Variants in CDC42BPG observed in about 807,000 individuals in gnomAD.
CDC42BPG encodes CDC42 binding protein kinase gamma, also known as serine/threonine-protein kinase MRCK gamma.
In CDC42BPG, 157 loss-of-function variants were observed where a neutral mutation model predicts 192.2. The observed-to-expected ratio is 0.82, with a 90% CI of 0.72 to 0.93. The LOEUF (loss-of-function observed/expected upper bound fraction) is 0.93. CDC42BPG is among the 40% of genes least tolerant of loss of function. The pLI, the probability that CDC42BPG is intolerant of heterozygous loss-of-function variation, is 0.00. For missense variants in CDC42BPG, 1,992 were observed against 2,122.1 expected, an observed-to-expected ratio of 0.94 and a Z score of 1.20; for synonymous variants, 981 against 918.5, an observed-to-expected ratio of 1.07 and a Z score of -1.23.
chr11:64,842,457 A>G (rs1400557484), intron 1 of CDC42BPG, among the ~76,000 whole-genome samples: 1 of 152,084 alleles, frequency 6.6e-6, no homozygotes, highest in East Asian at 1.9e-4. Context: ...GGCAGGGAGG[A>G]CAGGCTCTAT....
At chr11:64,828,643 G>A (rs981392080) in intron 30 of CDC42BPG, among the ~76,000 whole-genome samples, 6 of 152,182 alleles carry the variant, frequency 3.9e-5, no homozygotes, top group African/African-American at 1.4e-4. Context: ...GGCCGGGGCC[G>A]GTGGCTCACA....
At position 64,827,039 on chromosome 11, in the gene CDC42BPG, A is replaced by G; in HGVS notation, c.4389+11T>C. Reference sequence around the variant, plus strand: ...ACCAAAGTGGCTTGTGATTGGCTCCAGAGGACTAACCGGGGACTTGTCCCT... The same window carrying G: ...ACCAAAGTGGCTTGTGATTGGCTCCGGAGGACTAACCGGGGACTTGTCCCT... On this transcript the variant is annotated intron_variant, in intron 34 of 36. Coordinates refer to ENST00000342711, the MANE Select transcript of CDC42BPG (RefSeq NM_017525.3). The G allele has an allele frequency of 6.4e-7, 1 of 1,570,556 alleles. No individual in the cohort carries two copies. The highest frequency in any genetic ancestry group is 8.7e-7 in the Non-Finnish European group (1 of 1,144,480).
At chr11:64,838,609 A>AG (rs1205859864) in intron 8 of CDC42BPG, 45 bp downstream of exon 8, 3 of 1,601,444 alleles carry the variant, frequency 1.9e-6, no homozygotes, top group Non-Finnish European at 2.6e-6. Context: ...CCAGCCAACA[A>AG]GGGGGTAGGG....
rs949576014 is a variant in CDC42BPG at position 64,828,091 on chromosome 11, C to T, written c.3968-308G>A. Among the ~76,000 whole-genome samples, 12 of 152,200 alleles carry T rather than the reference C, an allele frequency of 7.9e-5. No homozygotes were observed. The East Asian group carries it at 2.1e-3, about 27-fold the overall frequency. ...GGAACCCCTGGAGCCATGTGATGGT[C>T]AAGGTCAGGTCACTCAGCTGGTCCT... On this transcript the variant is annotated intron_variant, in intron 30 of 36. Transcript: ENST00000342711.
intron 27 of CDC42BPG, 57 bp from the exon 28 acceptor site, chr11:64,831,778 C>T: frequency 6.8e-7 from 1 of 1,468,280 alleles, no homozygotes; most frequent in African/African-American, 1.4e-5. Context: ...GTCCTCCCTC[C>T]CTTCCTGCCT....
intron 1 of CDC42BPG, among the ~76,000 whole-genome samples, chr11:64,842,978 C>T (rs1592729361): frequency 1.3e-5 from 2 of 152,282 alleles, no homozygotes; most frequent in Admixed American, 1.3e-4. Flanking sequence ...AATTCATTGT[C>T]TCTTTCCCAG....
chr11:64,834,588 C>A lies in CDC42BPG; in HGVS notation c.2176-11G>T. ...CTTCCACTGGTGGTCCTGGTGGCCACGGAGCACCCGTATAAGATGCTTTCT... is the reference window on the plus strand; with the variant it reads ...CTTCCACTGGTGGTCCTGGTGGCCAAGGAGCACCCGTATAAGATGCTTTCT... On this transcript the variant is annotated splice_polypyrimidine_tract_variant and intron_variant, in intron 18 of 36. Transcript: ENST00000342711. The A allele has an allele frequency of 6.5e-7, 1 of 1,544,744 alleles. No homozygotes were observed. Among genetic ancestry groups the A allele is most frequent in the South Asian group, 1.2e-5 (1 of 82,318 alleles).
rs1396825216 is a variant in CDC42BPG at position 64,827,899 on chromosome 11, G to A, written c.3968-116C>T. 4.7e-6 allele frequency: 4 copies of A among 850,016 alleles called. No homozygotes were observed. The East Asian group carries it at 1.1e-4, about 23-fold the overall frequency. The allele number at this position is 850,016 out of a possible 1,614,324, so 52.7% of individuals were successfully genotyped here. On this transcript the variant is annotated intron_variant, in intron 30 of 36. Transcript: ENST00000342711. ...CCCACGCTAAGGTCCTTCCTCTGAA[G>A]ACTCCCTGTCGCCCGGCCCAGCCTC...
rs372942472 is a variant in CDC42BPG, at chr11:64,829,488, G to A, written c.3950C>T (p.Ala1317Val). 1.9e-5 allele frequency: 31 copies of A among 1,612,652 alleles called. No individual in the cohort carries two copies. The highest frequency in any genetic ancestry group is 1.0e-5 in the Non-Finnish European group (12 of 1,179,890). ...GGCCTTACCCCAGCCCATGGGCGCT[G>A]CTGGCCACAACAGCTCGTGGCCACG... ...KSRGHELLWP[A>V]APMGWGYAAP... The change falls in exon 30 of 37, where the codon GCA becomes GTA. Residue 1317 changes from alanine (A) to valine (V), a missense_variant. By Grantham distance (64) the Ala-to-Val change is moderately conservative. This residue lies in a region of CDC42BPG where 1,656 missense variants were observed against 1,844.3 expected (regional missense o/e 0.90). Transcript: ENST00000342711.
chr11:64,830,025 A>G lies in CDC42BPG; in HGVS notation c.3413T>C (p.Leu1138Ser), dbSNP rs778770951. ...GECRRVQQLT[L>S]SPSAGLLVVL... Reference sequence around the variant, plus strand: ...GACCAGCAGGCCTGCACTGGGGCTCAAGGTCAGCTGCTGCACGCGCCGGCA... The same window carrying G: ...GACCAGCAGGCCTGCACTGGGGCTCGAGGTCAGCTGCTGCACGCGCCGGCA... The change falls in exon 30 of 37, where the codon TTG becomes TCG. Residue 1138 changes from leucine to serine, a missense_variant. This residue lies in a region of CDC42BPG where 1,656 missense variants were observed against 1,844.3 expected (regional missense o/e 0.90). Coordinates refer to ENST00000342711, the MANE Select transcript of CDC42BPG (RefSeq NM_017525.3). The G allele has an allele frequency of 5.0e-6, 8 of 1,612,436 alleles. No individual in the cohort carries two copies. Among genetic ancestry groups the G allele is most frequent in the Non-Finnish European group, 4.2e-6 (5 of 1,179,332 alleles).
At position 64,833,780 on chromosome 11, in the gene CDC42BPG, C is replaced by T; in HGVS notation, c.2523G>A (p.Glu841=). Residue 841 remains glutamate, a synonymous_variant, in exon 22 of 37, where the codon GAG becomes GAA. Coordinates refer to ENST00000342711, the MANE Select transcript of CDC42BPG (RefSeq NM_017525.3). ...GTCGGCCCTCCGGCCTCAGATCTGG[C>T]TCTCCTCCATGCCTTGTGGCCTCTC... is the stretch of plus-strand genomic sequence containing the variant. ...ISGEATRHGG[E]PDLRPEGRRS... is the part of the protein sequence containing the mutation. The T allele has an allele frequency of 6.2e-7, 1 of 1,614,226 alleles. No homozygotes were observed. The highest frequency in any genetic ancestry group is 1.1e-5 in the South Asian group (1 of 91,090).
At position 64,829,519 on chromosome 11, in the gene CDC42BPG, T is replaced by G. The variant is rs905595835; in HGVS notation, c.3919A>C (p.Lys1307Gln). 18 of 1,612,868 alleles carry G rather than the reference T, an allele frequency of 1.1e-5. No individual in the cohort carries two copies. Among genetic ancestry groups the G allele is most frequent in the Non-Finnish European group, 1.4e-5 (17 of 1,179,920 alleles). ...CACAACAGCTCGTGGCCACGAGACT[T>G]GCGGCCTGCGCCATCCACGTAGATG... ...AGIYVDGAGR[K>Q]SRGHELLWPA... Residue 1307 changes from lysine to glutamine, a missense_variant, in exon 30 of 37, where the codon AAG (lysine) becomes CAG (glutamine). Transcript: ENST00000342711.
rs543488685 is a variant in CDC42BPG at position 64,838,009 on chromosome 11, T to G, written c.1205+74A>C. On this transcript the variant is annotated intron_variant, in intron 9 of 36. Coordinates refer to ENST00000342711, the MANE Select transcript of CDC42BPG (RefSeq NM_017525.3). The stretch of plus-strand genomic sequence containing the variant: ...TCTGCCCTCCTTCCCAGGGCCCCAG[T>G]GGGCTACGCGCCCAGTGTCCTCCAG... The G allele has an allele frequency of 9.5e-5, 124 of 1,299,866 alleles. No individual in the cohort carries two copies. The African/African-American group carries it at 1.6e-3, about 17-fold the overall frequency. 80.5% of individuals were successfully genotyped at this position (1,299,866 alleles called of 1,614,324 possible).
chr11:64,840,761 G>A (rs776205714), intron 3 of CDC42BPG, 113 bp from the exon 4 acceptor site: 19 of 860,514 alleles, frequency 2.2e-5, no homozygotes, highest in Middle Eastern at 2.2e-4. Flanking sequence ...TCAGATGGAG[G>A]TCATAGCTCT....
chr11:64,825,034 G>A (rs1002989653), intron 36 of CDC42BPG, among the ~76,000 whole-genome samples: 3 of 151,232 alleles, frequency 2.0e-5, no homozygotes, highest in Non-Finnish European at 4.4e-5. Context: ...CTCCTGCCTC[G>A]GCCCACCAGG....
chr11:64,832,318 T>A, intron 27 of CDC42BPG, 110 bp downstream of exon 27: 1 of 1,099,622 alleles, frequency 9.1e-7, no homozygotes, highest in Non-Finnish European at 1.4e-6. Flanking sequence ...AAGCGTGCTG[T>A]GGTTGTGGGC....
intron 34 of CDC42BPG, 107 bp from the exon 35 acceptor site, chr11:64,826,901 G>T: frequency 7.6e-7 from 1 of 1,315,230 alleles, no homozygotes. Flanking sequence ...CCCCCAGCCT[G>T]GTTTTACTTA....
chr11:64,833,991 G>A lies in CDC42BPG; in HGVS notation c.2414-14C>T, dbSNP rs761755101. 6.2e-7 allele frequency: 1 copy of A among 1,614,200 alleles called. No homozygotes were observed. Among genetic ancestry groups the A allele is most frequent in the South Asian group, 1.1e-5 (1 of 91,086 alleles). ...AGGGCTTGGTGTCTGCAAAGAAAGG[G>A]TGGGTCACTGGCCTGGGGTCCCTGG... On this transcript the variant is annotated splice_polypyrimidine_tract_variant and intron_variant, in intron 20 of 36. Coordinates refer to ENST00000342711, the MANE Select transcript of CDC42BPG (RefSeq NM_017525.3).
rs781655461 is a variant in CDC42BPG at position 64,836,144 on chromosome 11, C to T, written c.1641G>A (p.Leu547=). The change falls in exon 13 of 37, where the codon CTG becomes CTA. Residue 547 remains leucine (L), a synonymous_variant. Coordinates refer to ENST00000342711, the MANE Select transcript of CDC42BPG (RefSeq NM_017525.3). ...ASQTRALSSQ[L]EEARAAQREL... ...CCCTCTGGGCAGCCCGGGCTTCCTC[C>T]AGCTGGGAGCTCAGGGCCCGGGTCT... 2 of 1,600,378 alleles carry T rather than the reference C, an allele frequency of 1.2e-6. No homozygotes were observed. The highest frequency in any genetic ancestry group is 1.7e-6 in the Non-Finnish European group (2 of 1,175,088).
Sources: gnomAD v4.1 joint callset for allele counts (sites outside exome capture counted in the v4.1 genomes callset) on GRCh38, gnomAD v4.1.1 for gene constraint, gnomAD v4.1.1 regional missense constraint, MANE v1.5 for transcripts, NCBI Gene and HGNC (gene_info 2026-07-23, HGNC 2026-07-21) for gene names.